The following CFAP299 variants were observed in gnomAD, a reference collection of about 807,000 sequenced individuals.
The protein encoded by CFAP299 is cilia- and flagella-associated protein 299.
Under a neutral mutation model 27.0 loss-of-function variants are expected in CFAP299, and 21 were observed. The ratio of observed to expected loss-of-function variants is 0.78; its 90% CI spans 0.55 to 1.12. The LOEUF (loss-of-function observed/expected upper bound fraction) is 1.12, where lower values mean the gene tolerates loss of function less well. Ranked by LOEUF, CFAP299 falls within the 50% of genes most tolerant of loss-of-function variation. The pLI, the probability that CFAP299 is intolerant of heterozygous loss-of-function variation, is 0.00. For synonymous variants in CFAP299, 104 were observed against 98.1 expected (o/e 1.06, Z -0.36); for missense variants, 310 against 276.6 (o/e 1.12, Z -0.86).
At chr4:80,513,289 A>C (rs1350264139) in intron 2 of CFAP299, among the ~76,000 whole-genome samples, 1 of 152,156 alleles carries the variant, frequency 6.6e-6, no homozygotes, top group Non-Finnish European at 1.5e-5. Flanking sequence ...TGTGAGCCAC[A>C]AGTAGTGGTA....
At chr4:80,924,538 G>GTGTATACA (rs5859742) in intron 4 of CFAP299, among the ~76,000 whole-genome samples, 25 of 131,696 alleles carry the variant, frequency 1.9e-4, no homozygotes, top group African/African-American at 6.9e-4. Context: ...GTGTGTGTGT[G>GTGTATACA]TATATATATA....
chr4:80,833,944 T>C (rs1730429875), intron 3 of CFAP299, among the ~76,000 whole-genome samples: 1 of 152,164 alleles, frequency 6.6e-6, no homozygotes, highest in Non-Finnish European at 1.5e-5. Flanking sequence ...CCATTCCAAA[T>C]CACTGGCATA....
intron 3 of CFAP299, among the ~76,000 whole-genome samples, chr4:80,712,046 A>G (rs1438373697): frequency 1.3e-5 from 2 of 152,164 alleles, no homozygotes; most frequent in African/African-American, 4.8e-5. Context: ...CTAGCTCATG[A>G]TGTACTGCCA....
intron 3 of CFAP299, among the ~76,000 whole-genome samples, chr4:80,791,386 T>C (rs1727560491): frequency 6.6e-6 from 1 of 152,086 alleles, no homozygotes; most frequent in Non-Finnish European, 1.5e-5. Flanking sequence ...TTGGAGATAA[T>C]GGTGCCTATT....
At chr4:80,453,821 A>G (rs1729012130) in intron 2 of CFAP299, among the ~76,000 whole-genome samples, 1 of 147,540 alleles carries the variant, frequency 6.8e-6, no homozygotes, top group African/African-American at 2.5e-5. Flanking sequence ...AGCCTGGGTG[A>G]CAGAATGAGA....
chr4:80,662,069 G>A (rs544991987), intron 3 of CFAP299, among the ~76,000 whole-genome samples: 7 of 152,162 alleles, frequency 4.6e-5, no homozygotes, highest in East Asian at 3.9e-4. Context: ...ATGCGTGCCC[G>A]AAACTTCATT....
At chr4:80,578,036 C>T (rs1053659591) in intron 2 of CFAP299, among the ~76,000 whole-genome samples, 1 of 152,096 alleles carries the variant, frequency 6.6e-6, no homozygotes, top group African/African-American at 2.4e-5. Flanking sequence ...ATATAAATAG[C>T]TTTAGCTATT....
chr4:80,851,825 G>A (rs1731542282), intron 3 of CFAP299, among the ~76,000 whole-genome samples: 1 of 152,050 alleles, frequency 6.6e-6, no homozygotes, highest in Non-Finnish European at 1.5e-5. Context: ...TGGCTCTCTG[G>A]CACATTGTTA....
chr4:80,753,407 G>T (rs1725049411), intron 3 of CFAP299, among the ~76,000 whole-genome samples: 1 of 151,762 alleles, frequency 6.6e-6, no homozygotes, highest in African/African-American at 2.4e-5. Context: ...TTTTTCTCTG[G>T]TTGTCATCAA....
chr4:80,937,957 A>G (rs1455609372), intron 4 of CFAP299, among the ~76,000 whole-genome samples: 1 of 152,150 alleles, frequency 6.6e-6, no homozygotes, highest in Admixed American at 6.6e-5. Flanking sequence ...TATAGTTATG[A>G]CAGGCTATTT....
At chr4:80,566,269 CT>C (rs1394972119) in intron 2 of CFAP299, among the ~76,000 whole-genome samples, 2 of 151,986 alleles carry the variant, frequency 1.3e-5, no homozygotes, top group African/African-American at 2.4e-5. Flanking sequence ...TGCAATAAGC[CT>C]TTCTAATAGT....
intron 2 of CFAP299, among the ~76,000 whole-genome samples, chr4:80,436,329 C>T (rs780654111): frequency 1.4e-5 from 2 of 143,858 alleles, no homozygotes; most frequent in Admixed American, 7.1e-5. Flanking sequence ...GACGGAGTCT[C>T]ACTCTGTTGC....
intron 2 of CFAP299, among the ~76,000 whole-genome samples, chr4:80,566,564 A>G (rs1179373762): frequency 2.0e-5 from 3 of 152,116 alleles, no homozygotes; most frequent in African/African-American, 7.2e-5. Flanking sequence ...TATGTAGCAT[A>G]AGGACCTTCA....
chr4:80,451,745 C>T (rs1187975533), intron 2 of CFAP299, among the ~76,000 whole-genome samples: 4 of 152,184 alleles, frequency 2.6e-5, no homozygotes, highest in Admixed American at 2.6e-4. Flanking sequence ...TTAATTCAGT[C>T]TTCTCCTTAC....
chr4:80,935,530 T>C (rs915761175), intron 4 of CFAP299, among the ~76,000 whole-genome samples: 1 of 152,114 alleles, frequency 6.6e-6, no homozygotes, highest in African/African-American at 2.4e-5. Context: ...AGCAGAAGGT[T>C]GAAATTGAAC....
intron 4 of CFAP299, among the ~76,000 whole-genome samples, chr4:80,909,467 A>G (rs1735360723): frequency 6.6e-6 from 1 of 152,028 alleles, no homozygotes; most frequent in African/African-American, 2.4e-5. Context: ...CATATTAATA[A>G]CATATAATTT....
intron 2 of CFAP299, among the ~76,000 whole-genome samples, chr4:80,390,778 C>CACACATATGTATATATGTATATATGT (rs1560543679): frequency 3.0e-5 from 3 of 101,658 alleles, no homozygotes; most frequent in Non-Finnish European, 6.5e-5. Flanking sequence ...TGTATATATA[C>CACACATATGTATATATGTATATATGT]ATATACACAT....
chr4:80,854,219 A>C (rs1351019804), intron 3 of CFAP299, among the ~76,000 whole-genome samples: 2 of 152,206 alleles, frequency 1.3e-5, no homozygotes, highest in African/African-American at 4.8e-5. Context: ...GAGTTCAAGT[A>C]AAATTTTTTA....
intron 2 of CFAP299, among the ~76,000 whole-genome samples, chr4:80,394,516 C>A (rs1042466820): frequency 6.6e-6 from 1 of 151,598 alleles, no homozygotes; most frequent in Non-Finnish European, 1.5e-5. Flanking sequence ...TATCAAGAAG[C>A]TTTTTACCTA....
Sources: gnomAD v4.1 joint callset for allele counts (sites outside exome capture counted in the v4.1 genomes callset) on GRCh38, gnomAD v4.1.1 for gene constraint, MANE v1.5 for transcripts, NCBI Gene and HGNC (gene_info 2026-07-23, HGNC 2026-07-21) for gene names.